Variants in PRTG observed in about 807,000 individuals in gnomAD.
PRTG encodes protogenin, also known as immunoglobulin superfamily, DCC subclass, member 5.
In PRTG, 67 loss-of-function variants were observed where a neutral mutation model predicts 122.5. That is an observed-to-expected ratio of 0.55 (90% confidence interval 0.45 to 0.67). The LOEUF is 0.67. PRTG is among the 30% of genes least tolerant of loss of function. PRTG has a pLI of 0.00. For missense variants in PRTG, 1,435 were observed against 1,415.4 expected (o/e 1.01, Z -0.22); for synonymous variants, 554 against 501.1 (o/e 1.11, Z -1.41).
intron 11 of PRTG, among the ~76,000 whole-genome samples, chr15:55,657,441 C>G (rs1054694521): frequency 6.6e-6 from 1 of 152,152 alleles, no homozygotes; most frequent in Non-Finnish European, 1.5e-5. Flanking sequence ...CCACTAATAT[C>G]TCTAGGTCAA....
intron 17 of PRTG, among the ~76,000 whole-genome samples, chr15:55,626,143 C>T (rs913661754): frequency 5.9e-5 from 9 of 152,064 alleles, no homozygotes; most frequent in African/African-American, 1.4e-4. Flanking sequence ...AGGCCGGGCG[C>T]GGTGGCTCAC....
chr15:55,683,531 T>C (rs930740256), intron 3 of PRTG, among the ~76,000 whole-genome samples: 1 of 152,166 alleles, frequency 6.6e-6, no homozygotes, highest in African/African-American at 2.4e-5. Context: ...CAGATAGTCA[T>C]GGTTAGAACA....
chr15:55,715,235 G>GA (rs2030555883), intron 2 of PRTG, among the ~76,000 whole-genome samples: 1 of 152,148 alleles, frequency 6.6e-6, no homozygotes, highest in South Asian at 2.1e-4. Context: ...CTTGCCTAAT[G>GA]AATTAGTTTC....
chr15:55,699,593 T>A (rs2059650890), intron 2 of PRTG, among the ~76,000 whole-genome samples: 1 of 152,206 alleles, frequency 6.6e-6, no homozygotes, highest in South Asian at 2.1e-4. Context: ...CATTATTTTG[T>A]ACATTTCAGT....
chr15:55,696,624 T>G (rs1352641132), intron 2 of PRTG, among the ~76,000 whole-genome samples: 2 of 152,330 alleles, frequency 1.3e-5, no homozygotes, highest in Admixed American at 6.5e-5. Context: ...AAGCTATTTG[T>G]TATCTTAAAT....
chr15:55,626,795 T>C (rs1039117640), intron 17 of PRTG, among the ~76,000 whole-genome samples: 1 of 152,052 alleles, frequency 6.6e-6, no homozygotes, highest in South Asian at 2.1e-4. Context: ...AAAAAAAGAA[T>C]ATTGGCATAA....
chr15:55,705,630 T>C (rs890431917), intron 2 of PRTG, among the ~76,000 whole-genome samples: 3 of 151,770 alleles, frequency 2.0e-5, no homozygotes, highest in African/African-American at 7.3e-5. Flanking sequence ...TTTTTGTATT[T>C]TTTTTAGTAG....
chr15:55,739,633 G>C (rs368804572), intron 2 of PRTG, among the ~76,000 whole-genome samples: 11 of 152,178 alleles, frequency 7.2e-5, no homozygotes, highest in African/African-American at 2.7e-4. Context: ...AAGGAGTTCA[G>C]TACTTGTCCT....
At chr15:55,704,890 G>A (rs545410998) in intron 2 of PRTG, among the ~76,000 whole-genome samples, 2 of 152,246 alleles carry the variant, frequency 1.3e-5, no homozygotes, top group African/African-American at 4.8e-5. Flanking sequence ...AATTCATAAA[G>A]TAGACATAGA....
intron 9 of PRTG, among the ~76,000 whole-genome samples, chr15:55,674,698 A>G (rs911238336): frequency 6.6e-6 from 1 of 152,166 alleles, no homozygotes; most frequent in Non-Finnish European, 1.5e-5. Context: ...GACTAAATGG[A>G]AAAAAAGGAG....
intron 2 of PRTG, among the ~76,000 whole-genome samples, chr15:55,696,270 G>T (rs1050468585): frequency 3.3e-5 from 5 of 152,084 alleles, no homozygotes; most frequent in Admixed American, 6.6e-5. Flanking sequence ...CTTAAAAAAA[G>T]AACACGGGGA....
At chr15:55,706,788 G>C (rs900706785) in intron 2 of PRTG, among the ~76,000 whole-genome samples, 3 of 151,938 alleles carry the variant, frequency 2.0e-5, no homozygotes, top group African/African-American at 2.4e-5. Flanking sequence ...AGAGAGGAGA[G>C]GGAGAGCGAG....
intron 17 of PRTG, among the ~76,000 whole-genome samples, chr15:55,624,900 T>C (rs1325428182): frequency 6.6e-6 from 1 of 152,154 alleles, no homozygotes; most frequent in Non-Finnish European, 1.5e-5. Flanking sequence ...CAGTAATAAA[T>C]GTGCATAAAT....
chr15:55,722,872 T>C (rs1394616971), intron 2 of PRTG, among the ~76,000 whole-genome samples: 1 of 152,184 alleles, frequency 6.6e-6, no homozygotes, highest in Non-Finnish European at 1.5e-5. Context: ...GAAGAAGTAG[T>C]GATTTTGTTC....
intron 9 of PRTG, among the ~76,000 whole-genome samples, chr15:55,675,150 C>G (rs1282711754): frequency 6.6e-6 from 1 of 152,052 alleles, no homozygotes; most frequent in East Asian, 1.9e-4. Context: ...GTCCAAGTTT[C>G]AGAAGTCCAG....
intron 2 of PRTG, among the ~76,000 whole-genome samples, chr15:55,711,212 G>A (rs562465365): frequency 1.3e-5 from 2 of 151,790 alleles, no homozygotes; most frequent in Middle Eastern, 3.4e-3. Flanking sequence ...GTGAGCCACT[G>A]CGTCCGGCCT....
chr15:55,631,264 T>C (rs1313680652), intron 15 of PRTG, among the ~76,000 whole-genome samples: 3 of 152,208 alleles, frequency 2.0e-5, no homozygotes, highest in Non-Finnish European at 4.4e-5. Context: ...TGTGACATGT[T>C]ACACTTAGCT....
intron 2 of PRTG, among the ~76,000 whole-genome samples, chr15:55,734,842 T>A (rs556910750): frequency 6.6e-6 from 1 of 152,200 alleles, no homozygotes; most frequent in South Asian, 2.1e-4. Context: ...ATCCTCTGCA[T>A]ACATATCCTT....
chr15:55,628,231 A>C (rs111645736), intron 16 of PRTG, among the ~76,000 whole-genome samples: 1 of 152,022 alleles, frequency 6.6e-6, no homozygotes, highest in African/African-American at 2.4e-5. Context: ...CTTCTCCACA[A>C]GCCTACTCCC....
Sources: allele counts gnomAD v4.1 joint callset (sites outside exome capture counted in the v4.1 genomes callset), GRCh38; gene constraint gnomAD v4.1.1; transcripts MANE v1.5; gene names NCBI Gene and HGNC (gene_info 2026-07-23, HGNC 2026-07-21).